LYPLAL1: variants seen among roughly 807,000 people sequenced by gnomAD.
LYPLAL1 encodes the protein lysophospholipase like 1, also known as lysophospholipase-like protein 1.
In LYPLAL1, 23 loss-of-function variants were observed where a neutral mutation model predicts 19.7. The ratio of observed to expected loss-of-function variants is 1.17; its 90% CI spans 0.84 to 1.65. The LOEUF is 1.65. Among genes scored for constraint, LYPLAL1 ranks in the 40% most tolerant of loss-of-function variants. LYPLAL1 has a pLI of 0.00. For synonymous variants in LYPLAL1, 119 were observed against 96.3 expected (o/e 1.24, Z -1.38); for missense variants, 355 against 279.4 (o/e 1.27, Z -1.93).
the LYPLAL1 span, among the ~76,000 whole-genome samples, chr1:219,221,145 G>A: frequency 6.6e-6 from 1 of 152,316 alleles, no homozygotes; most frequent in Non-Finnish European, 1.5e-5. Context: ...ACAGCCTTCA[G>A]TTCTGACCAC....
chr1:219,331,409 T>C, the LYPLAL1 span, among the ~76,000 whole-genome samples: 1 of 152,168 alleles, frequency 6.6e-6, no homozygotes, highest in African/African-American at 2.4e-5. Context: ...TCCAGGTTGG[T>C]CTTCACTAAG....
At chr1:219,175,121 T>C in intron 1 of LYPLAL1, 2 of 983,862 alleles carry the variant, frequency 2.0e-6, no homozygotes, top group Non-Finnish European at 2.4e-6. Flanking sequence ...ATTTTGAAAA[T>C]GAGGCCAGAC....
At chr1:219,439,972 T>TATATATAC in the LYPLAL1 span, among the ~76,000 whole-genome samples, 1 of 114,074 alleles carries the variant, frequency 8.8e-6, no homozygotes, top group African/African-American at 4.2e-5. Flanking sequence ...TATATATATA[T>TATATATAC]ACATATATAT....
the LYPLAL1 span, among the ~76,000 whole-genome samples, chr1:219,250,045 T>C: frequency 6.6e-6 from 1 of 151,998 alleles, no homozygotes; most frequent in Non-Finnish European, 1.5e-5. Flanking sequence ...TTATTAATTT[T>C]CTTGTTTATG....
At chr1:219,293,747 AGG>A in the LYPLAL1 span, among the ~76,000 whole-genome samples, 1 of 152,228 alleles carries the variant, frequency 6.6e-6, no homozygotes, top group Non-Finnish European at 1.5e-5. Flanking sequence ...AAAATAGCTT[AGG>A]TATCTTAATA....
At chr1:219,337,444 A>G in the LYPLAL1 span, among the ~76,000 whole-genome samples, 1 of 152,154 alleles carries the variant, frequency 6.6e-6, no homozygotes, top group East Asian at 1.9e-4. Context: ...CCATAAAACA[A>G]ATATTCTCTT....
the LYPLAL1 span, among the ~76,000 whole-genome samples, chr1:219,397,976 C>G: frequency 6.6e-6 from 1 of 152,048 alleles, no homozygotes; most frequent in Admixed American, 6.5e-5. Flanking sequence ...CTTTAGCTAC[C>G]TTTCATATTT....
At chr1:219,319,929 C>T in the LYPLAL1 span, among the ~76,000 whole-genome samples, 1 of 152,200 alleles carries the variant, frequency 6.6e-6, no homozygotes, top group Non-Finnish European at 1.5e-5. Flanking sequence ...GTCTTATAAT[C>T]CAGTCACAGT....
chr1:219,319,484 G>A, the LYPLAL1 span, among the ~76,000 whole-genome samples: 1 of 152,128 alleles, frequency 6.6e-6, no homozygotes, highest in Non-Finnish European at 1.5e-5. Context: ...AAATCCCCTA[G>A]AATCCAACTA....
the LYPLAL1 span, among the ~76,000 whole-genome samples, chr1:219,414,619 T>C: frequency 1.3e-5 from 2 of 152,214 alleles, no homozygotes; most frequent in African/African-American, 2.4e-5. Flanking sequence ...CCTAAGTTTA[T>C]ATGACTCCTC....
At chr1:219,410,515 C>G in the LYPLAL1 span, among the ~76,000 whole-genome samples, 1 of 152,224 alleles carries the variant, frequency 6.6e-6, no homozygotes, top group East Asian at 1.9e-4. Context: ...CTCGCTTGCT[C>G]TCAGCACCTC....
At chr1:219,427,189 T>G in the LYPLAL1 span, among the ~76,000 whole-genome samples, 7 of 152,216 alleles carry the variant, frequency 4.6e-5, no homozygotes, top group Non-Finnish European at 7.3e-5. Flanking sequence ...CAAAACTGCC[T>G]TCAACATGTT....
At chr1:219,299,092 A>G in the LYPLAL1 span, among the ~76,000 whole-genome samples, 1 of 151,786 alleles carries the variant, frequency 6.6e-6, no homozygotes, top group Non-Finnish European at 1.5e-5. Context: ...TTACTTCACA[A>G]TGAAGTCATT....
the LYPLAL1 span, among the ~76,000 whole-genome samples, chr1:219,403,522 G>A: frequency 6.6e-6 from 1 of 152,188 alleles, no homozygotes; most frequent in Non-Finnish European, 1.5e-5. Context: ...AAAAGACGCG[G>A]CAGGAAGAGA....
the LYPLAL1 span, among the ~76,000 whole-genome samples, chr1:219,368,635 A>G: frequency 6.6e-6 from 1 of 152,226 alleles, no homozygotes; most frequent in African/African-American, 2.4e-5. Context: ...CTGTGGTGTC[A>G]AAAACAAGGT....
chr1:219,192,342 G>C (rs555251547), intron 2 of LYPLAL1, among the ~76,000 whole-genome samples: 137 of 151,760 alleles, frequency 9.0e-4, no homozygotes, highest in Non-Finnish European at 1.6e-3. Context: ...AAGTAGAGGA[G>C]GTATTGGTGT....
At chr1:219,204,935 A>G (rs1156812045) in intron 3 of LYPLAL1, among the ~76,000 whole-genome samples, 1 of 152,162 alleles carries the variant, frequency 6.6e-6, no homozygotes, top group Non-Finnish European at 1.5e-5. Context: ...TAATATAAGC[A>G]TATTATCAGA....
At chr1:219,275,165 T>A in the LYPLAL1 span, among the ~76,000 whole-genome samples, 2 of 152,138 alleles carry the variant, frequency 1.3e-5, no homozygotes, top group Non-Finnish European at 2.9e-5. Flanking sequence ...TTAGGAAAAT[T>A]TATTGGGAAA....
the LYPLAL1 span, among the ~76,000 whole-genome samples, chr1:219,265,775 G>A: frequency 6.6e-6 from 1 of 152,042 alleles, no homozygotes; most frequent in East Asian, 1.9e-4. Context: ...TTGCTCCTAG[G>A]CTACAAACCT....
Sources: gnomAD v4.1 joint callset for allele counts (sites outside exome capture counted in the v4.1 genomes callset) on GRCh38, gnomAD v4.1.1 for gene constraint, MANE v1.5 for transcripts, NCBI Gene and HGNC (gene_info 2026-07-23, HGNC 2026-07-21) for gene names.